The following TEX9 variants were observed in gnomAD, a reference collection of about 807,000 sequenced individuals.
The protein encoded by TEX9 is testis-expressed protein 9.
In TEX9, 74 loss-of-function variants were observed where a neutral mutation model predicts 59.6. The ratio of observed to expected loss-of-function variants is 1.24; its 90% CI spans 1.03 to 1.51. The LOEUF is 1.51. TEX9 is among the 40% of genes most tolerant of loss of function. The pLI is 0.00. For synonymous variants in TEX9, 186 were observed against 152.2 expected, an observed-to-expected ratio of 1.22 and a Z score of -1.64; for missense variants, 522 against 447.8, an observed-to-expected ratio of 1.17 and a Z score of -1.49.
chr15:56,376,753 T>G (rs2047472807), intron 3 of TEX9, among the ~76,000 whole-genome samples: 1 of 152,150 alleles, frequency 6.6e-6, no homozygotes, highest in Non-Finnish European at 1.5e-5. Flanking sequence ...CTTTTTAACT[T>G]TATGTGATCC....
At chr15:56,300,685 C>CAGAGAG in intron 1 of TEX9, among the ~76,000 whole-genome samples, 1 of 115,674 alleles carries the variant, frequency 8.6e-6, no homozygotes, top group Admixed American at 8.9e-5. Context: ...AGCAACTCAG[C>CAGAGAG]AGAGAGAGAG....
chr15:56,416,800 C>T (rs929563682), intron 10 of TEX9, among the ~76,000 whole-genome samples: 11 of 151,934 alleles, frequency 7.2e-5, no homozygotes, highest in African/African-American at 2.7e-4. Flanking sequence ...TTTCTTTGTA[C>T]ATCTGGTAGA....
intron 12 of TEX9, chr15:56,443,552 A>T (rs780679694): frequency 1.0e-5 from 16 of 1,572,788 alleles, no homozygotes; most frequent in African/African-American, 1.4e-5. Flanking sequence ...TAAATTTTTT[A>T]AAAAACATAA....
At chr15:56,271,072 T>C (rs186924316) in intron 1 of TEX9, among the ~76,000 whole-genome samples, 2 of 152,306 alleles carry the variant, frequency 1.3e-5, no homozygotes, top group East Asian at 3.9e-4. Flanking sequence ...TTAACATTTT[T>C]CCCTTCATTT....
intron 12 of TEX9, among the ~76,000 whole-genome samples, chr15:56,440,432 G>A (rs1303711714): frequency 6.6e-6 from 1 of 152,154 alleles, no homozygotes; most frequent in Non-Finnish European, 1.5e-5. Flanking sequence ...CTAACATGCA[G>A]TTACCACAAA....
At position 56,389,867 on chromosome 15, in the gene TEX9, A is replaced by T. The variant is rs142945720; in HGVS notation, c.395+467A>T. Among the ~76,000 whole-genome samples the T allele has an allele frequency of 8.5e-5, 13 of 152,114 alleles. No individual in the cohort carries two copies. In the East Asian group the frequency reaches 2.3e-3, roughly 27 times the overall value. ...TACATTTTGTTGTTTTGGGTGAGAA[A>T]GAATTCAAGACGGTTCTTAGTATTA... is the stretch of plus-strand genomic sequence containing the variant. On this transcript the variant is annotated intron_variant, in intron 6 of 12. Transcript: ENST00000352903.
At chr15:56,255,471 C>A (rs2044124872) in intron 1 of TEX9, among the ~76,000 whole-genome samples, 1 of 151,736 alleles carries the variant, frequency 6.6e-6, no homozygotes, top group African/African-American at 2.4e-5. Context: ...GACAGAATTT[C>A]TTTAATAAAA....
intron 1 of TEX9, among the ~76,000 whole-genome samples, chr15:56,290,639 G>A (rs1162859792): frequency 2.0e-5 from 3 of 152,018 alleles, no homozygotes; most frequent in Admixed American, 1.3e-4. Context: ...AATGTTTATA[G>A]AGGTGGGTTC....
chr15:56,280,880 A>T (rs1359180894), intron 1 of TEX9, among the ~76,000 whole-genome samples: 1 of 152,238 alleles, frequency 6.6e-6, no homozygotes, highest in Non-Finnish European at 1.5e-5. Flanking sequence ...AGATCTGCTA[A>T]AGTAATTTCA....
intron 1 of TEX9, among the ~76,000 whole-genome samples, chr15:56,279,475 A>G (rs1026495346): frequency 1.3e-5 from 2 of 152,228 alleles, no homozygotes. Context: ...CCTAAGGTAT[A>G]TAGTTATCTA....
chr15:56,290,545 G>T (rs1340521650), intron 1 of TEX9, among the ~76,000 whole-genome samples: 1 of 152,014 alleles, frequency 6.6e-6, no homozygotes, highest in Admixed American at 6.6e-5. Context: ...ACCTTCTACG[G>T]TCCTCAAACA....
chr15:56,305,209 C>A (rs532025017), intron 1 of TEX9, among the ~76,000 whole-genome samples: 1 of 151,954 alleles, frequency 6.6e-6, no homozygotes, highest in Admixed American at 6.6e-5. Flanking sequence ...TTATCCAAAA[C>A]GATTTACAGA....
intron 3 of TEX9, among the ~76,000 whole-genome samples, chr15:56,381,867 T>A (rs1325093378): frequency 6.6e-6 from 1 of 152,178 alleles, no homozygotes; most frequent in Non-Finnish European, 1.5e-5. Context: ...GGCTACCACC[T>A]ATGTTCACTC....
intron 12 of TEX9, among the ~76,000 whole-genome samples, chr15:56,435,941 A>C (rs1269510371): frequency 2.0e-5 from 3 of 152,076 alleles, no homozygotes; most frequent in African/African-American, 7.2e-5. Flanking sequence ...AGAATTATTC[A>C]CCATGACCAA....
At chr15:56,421,910 A>G (rs1487392538) in intron 10 of TEX9, 1 of 151,674 alleles carries the variant, frequency 6.6e-6, no homozygotes, top group Non-Finnish European at 1.5e-5. Context: ...TATTGTGAGT[A>G]GAGCCGCAAT....
At chr15:56,454,070 A>G in the TEX9 span, among the ~76,000 whole-genome samples, 1 of 127,968 alleles carries the variant, frequency 7.8e-6, no homozygotes, top group Non-Finnish European at 1.6e-5. Context: ...ACTCTTAGCA[A>G]TTCTGACACT....
At chr15:56,437,725 T>G (rs2050752678) in intron 12 of TEX9, among the ~76,000 whole-genome samples, 1 of 152,192 alleles carries the variant, frequency 6.6e-6, no homozygotes, top group Non-Finnish European at 1.5e-5. Flanking sequence ...CCCCATTGTC[T>G]CAGCCCCAAA....
chr15:56,438,286 G>C (rs1355237944), intron 12 of TEX9, among the ~76,000 whole-genome samples: 3 of 151,972 alleles, frequency 2.0e-5, no homozygotes, highest in Non-Finnish European at 4.4e-5. Flanking sequence ...CAATGGAACA[G>C]AACAGAGCCC....
chr15:56,443,462 C>T (rs2050853059), intron 12 of TEX9: 1 of 1,591,830 alleles, frequency 6.3e-7, no homozygotes, highest in Non-Finnish European at 8.5e-7. Flanking sequence ...TCAGCTTGTT[C>T]TTCCTGGTAT....
Sources: allele counts gnomAD v4.1 joint callset (sites outside exome capture counted in the v4.1 genomes callset), GRCh38; gene constraint gnomAD v4.1.1; transcripts MANE v1.5; gene names NCBI Gene and HGNC (gene_info 2026-07-23, HGNC 2026-07-21).